Variants in GREB1L observed in about 807,000 individuals in gnomAD.
The protein encoded by GREB1L is GREB1-like protein.
Under a neutral mutation model 200.8 loss-of-function variants are expected in GREB1L, and 17 were observed. The ratio of observed to expected loss-of-function variants is 0.08; its 90% CI spans 0.06 to 0.13. The LOEUF (loss-of-function observed/expected upper bound fraction) is 0.13. Ranked by LOEUF, GREB1L falls within the 10% of genes least tolerant of loss-of-function variation. The pLI is 1.00. For missense variants in GREB1L, 1,657 were observed against 2,367.7 expected (o/e 0.70, Z 6.23); for synonymous variants, 789 against 893.0 (o/e 0.88, Z 2.08).
At chr18:21,341,547 A>C (rs2039270089) in intron 1 of GREB1L, among the ~76,000 whole-genome samples, 1 of 152,198 alleles carries the variant, frequency 6.6e-6, no homozygotes, top group South Asian at 2.1e-4. Flanking sequence ...AATTTTTTAA[A>C]TCTTTTGTAG....
rs138765374 is a variant in GREB1L, at chr18:21,471,734, C to T, written c.2183-1297C>T. On this transcript the variant is annotated intron_variant, in intron 15 of 32. Transcript: ENST00000424526. ...CCTCCTGGGTTGAAGCGATTCTCCT[C>T]CTCAGCCTTCTGAGTAGCTGGGACT... is the stretch of plus-strand genomic sequence containing the variant. Among the ~76,000 whole-genome samples the T allele has an allele frequency of 1.1e-3, 161 of 151,894 alleles. No individual in the cohort carries two copies. In the Middle Eastern group the frequency reaches 0.014, roughly 13 times the overall value.
chr18:21,362,070 T>C (rs1487008464), intron 1 of GREB1L, among the ~76,000 whole-genome samples: 1 of 152,166 alleles, frequency 6.6e-6, no homozygotes, highest in East Asian at 1.9e-4. Flanking sequence ...TATTTAATCT[T>C]TTTTCTATTG....
intron 6 of GREB1L, among the ~76,000 whole-genome samples, chr18:21,402,117 T>C (rs2041341051): frequency 6.6e-6 from 1 of 152,220 alleles, no homozygotes; most frequent in Admixed American, 6.5e-5. Context: ...GAAATGGGTA[T>C]AATTCCGAGA....
chr18:21,324,247 G>A (rs988436701), intron 1 of GREB1L, among the ~76,000 whole-genome samples: 13 of 152,096 alleles, frequency 8.5e-5, no homozygotes, highest in African/African-American at 2.7e-4. Context: ...CACACTTACC[G>A]AATCTAACTG....
chr18:21,320,845 C>G (rs771427686), intron 1 of GREB1L, among the ~76,000 whole-genome samples: 29 of 150,966 alleles, frequency 1.9e-4, no homozygotes, highest in Non-Finnish European at 3.4e-4. Context: ...TTTTGAAACA[C>G]AGTAAAGGAC....
intron 21 of GREB1L, among the ~76,000 whole-genome samples, chr18:21,497,278 A>T (rs2036581642): frequency 6.6e-6 from 1 of 152,214 alleles, no homozygotes; most frequent in African/African-American, 2.4e-5. Flanking sequence ...TTCTTCTGAT[A>T]AATTGTATTA....
chr18:21,392,704 A>G (rs1271475414), intron 4 of GREB1L, among the ~76,000 whole-genome samples: 2 of 151,862 alleles, frequency 1.3e-5, no homozygotes, highest in African/African-American at 4.8e-5. Flanking sequence ...TGGTGACCCA[A>G]ACTATATGGT....
intron 1 of GREB1L, among the ~76,000 whole-genome samples, chr18:21,267,412 C>T (rs1439404913): frequency 6.6e-6 from 1 of 152,070 alleles, no homozygotes; most frequent in Non-Finnish European, 1.5e-5. Flanking sequence ...GAACTCCTGA[C>T]CTCAGGTGAT....
chr18:21,464,757 G>A (rs1304803970), intron 15 of GREB1L, among the ~76,000 whole-genome samples: 1 of 152,020 alleles, frequency 6.6e-6, no homozygotes, highest in Non-Finnish European at 1.5e-5. Flanking sequence ...TCACCTATGA[G>A]GTATAATTGC....
At chr18:21,434,450 T>G (rs1332549333) in intron 7 of GREB1L, among the ~76,000 whole-genome samples, 8 of 150,868 alleles carry the variant, frequency 5.3e-5, no homozygotes, top group Non-Finnish European at 1.2e-4. Flanking sequence ...CACTCCAGCC[T>G]TGGCAGCAGA....
chr18:21,491,067 C>T (rs1446139002), intron 19 of GREB1L, among the ~76,000 whole-genome samples: 2 of 152,204 alleles, frequency 1.3e-5, no homozygotes, highest in African/African-American at 4.8e-5. Flanking sequence ...AGCCAACTAA[C>T]CTAACTCCCT....
chr18:21,250,944 C>T (rs2037692325), intron 1 of GREB1L, among the ~76,000 whole-genome samples: 1 of 152,132 alleles, frequency 6.6e-6, no homozygotes, highest in East Asian at 1.9e-4. Flanking sequence ...GGTAGCCATT[C>T]TTTTATGCAT....
chr18:21,496,534 C>T lies in GREB1L; in HGVS notation c.3227C>T (p.Ala1076Val). 1.3e-6 allele frequency: 2 copies of T among 1,551,668 alleles called. No individual in the cohort carries two copies. Among genetic ancestry groups the T allele is most frequent in the South Asian group, 2.4e-5 (2 of 84,062 alleles). ...GCCTTGGAGCAGGAGGTGGGTCTGGCATGCTGCTATGTCTCAAAAGAGGTC... is the reference window on the plus strand; with the variant it reads ...GCCTTGGAGCAGGAGGTGGGTCTGGTATGCTGCTATGTCTCAAAAGAGGTC... Reference protein sequence around the residue: ...RTALEQEVGLACCYVSKEVIR... With the variant: ...RTALEQEVGLVCCYVSKEVIR... The change falls in exon 21 of 33, where the codon GCA (alanine) becomes GTA (valine). Residue 1076 changes from alanine to valine, a missense_variant. This residue lies in a region of GREB1L where 512 missense variants were observed against 668.3 expected (regional missense o/e 0.77). Coordinates refer to ENST00000424526, the MANE Select transcript of GREB1L (RefSeq NM_001142966.3).
chr18:21,323,559 C>A lies in GREB1L; in HGVS notation c.-119-42468C>A, dbSNP rs138046573. Among the ~76,000 whole-genome samples, 99 of 152,232 alleles carry A rather than the reference C, an allele frequency of 6.5e-4. No homozygotes were observed. The Middle Eastern group carries it at 0.014, about 21-fold the overall frequency. ...GAATACAAATTAAAACTGCAGTGAG[C>A]TACTACTGGTTTTCTTCAATTAAAT... On this transcript the variant is annotated intron_variant, in intron 1 of 32. Transcript: ENST00000424526.
chr18:21,434,086 G>T (rs2033351632), intron 7 of GREB1L, among the ~76,000 whole-genome samples: 1 of 152,048 alleles, frequency 6.6e-6, no homozygotes, highest in South Asian at 2.1e-4. Context: ...TTCTTTCAGA[G>T]AAAAATGCTT....
intron 7 of GREB1L, among the ~76,000 whole-genome samples, chr18:21,412,898 G>C (rs767101948): frequency 5.3e-5 from 8 of 151,518 alleles, no homozygotes; most frequent in Non-Finnish European, 8.8e-5. Flanking sequence ...CTCATACTTT[G>C]ATAGCAAGTA....
intron 2 of GREB1L, among the ~76,000 whole-genome samples, chr18:21,373,274 C>T (rs1479391498): frequency 1.3e-5 from 2 of 152,154 alleles, no homozygotes; most frequent in East Asian, 3.9e-4. Flanking sequence ...TTACCATTGC[C>T]TGCATGAATT....
At position 21,349,628 on chromosome 18, in the gene GREB1L, A is replaced by C. The variant is rs544686598; in HGVS notation, c.-119-16399A>C. ...ATCAGTGGCGGCATTAGATTCTCGT[A>C]GGCTCCCAAAACCTATCATGAACTG... On this transcript the variant is annotated intron_variant, in intron 1 of 32. Transcript: ENST00000424526. Among the ~76,000 whole-genome samples the C allele has an allele frequency of 9.9e-5, 15 of 152,150 alleles. 1 individual carries two copies. In the South Asian group the frequency reaches 2.3e-3, roughly 23 times the overall value.
chr18:21,432,392 T>C (rs1020026103), intron 7 of GREB1L, among the ~76,000 whole-genome samples: 1 of 152,186 alleles, frequency 6.6e-6, no homozygotes, highest in African/African-American at 2.4e-5. Flanking sequence ...CTCTTCCATA[T>C]CAAGGTGATA....
Sources: allele counts gnomAD v4.1 joint callset (sites outside exome capture counted in the v4.1 genomes callset), GRCh38; gene constraint gnomAD v4.1.1; regional missense constraint gnomAD v4.1.1; transcripts MANE v1.5; gene names NCBI Gene and HGNC (gene_info 2026-07-23, HGNC 2026-07-21).